Variants in ANGPT2 observed in about 807,000 individuals in gnomAD.
ANGPT2 encodes the protein angiopoietin-2.
Under a neutral mutation model 62.9 loss-of-function variants are expected in ANGPT2, and 28 were observed. The observed-to-expected ratio is 0.44, with a 90% CI of 0.33 to 0.61. ANGPT2 has a LOEUF of 0.61. Ranked by LOEUF, ANGPT2 falls within the 20% of genes least tolerant of loss-of-function variation. The pLI, the probability that ANGPT2 is intolerant of heterozygous loss-of-function variation, is 0.03. For synonymous variants in ANGPT2, 284 were observed against 207.8 expected, an observed-to-expected ratio of 1.37 and a Z score of -3.15; for missense variants, 727 against 594.9, an observed-to-expected ratio of 1.22 and a Z score of -2.31.
intron 1 of ANGPT2, among the ~76,000 whole-genome samples, chr8:6,552,415 G>A (rs530695475): frequency 4.6e-5 from 7 of 152,284 alleles, no homozygotes; most frequent in East Asian, 1.9e-4. Context: ...ACACACTTAC[G>A]ATGGTCCTTT....
At chr8:6,543,972 AAT>A (rs1456607943) in intron 1 of ANGPT2, among the ~76,000 whole-genome samples, 1 of 152,232 alleles carries the variant, frequency 6.6e-6, no homozygotes, top group Non-Finnish European at 1.5e-5. Context: ...TTAAAGTTGC[AAT>A]ATATTTTAAG....
chr8:6,530,708 T>C (rs1001575551), intron 2 of ANGPT2, among the ~76,000 whole-genome samples: 3 of 152,176 alleles, frequency 2.0e-5, no homozygotes, highest in African/African-American at 7.2e-5. Context: ...TGTTGTGATA[T>C]TGTGGAAAGA....
chr8:6,525,270 A>G (rs1490128895), intron 3 of ANGPT2, among the ~76,000 whole-genome samples: 1 of 152,124 alleles, frequency 6.6e-6, no homozygotes, highest in Non-Finnish European at 1.5e-5. Flanking sequence ...TTAGTATGTA[A>G]TTTTGGAGAG....
Position 6,503,095 on chromosome 8 carries a change from G to A in ANGPT2, c.*6C>T, listed in dbSNP as rs760950491. ...TCGAGACAGTTCCTCAGGTGGACTG[G>A]GATGTTTAGAAATCTGCTGGTCGGA... On this transcript the variant is annotated 3_prime_UTR_variant, in exon 9 of 9. Coordinates refer to ENST00000629816, the MANE Select transcript of ANGPT2 (RefSeq NM_001118887.2). 3 of 1,614,038 alleles carry A rather than the reference G, an allele frequency of 1.9e-6. No homozygotes were observed. Among genetic ancestry groups the A allele is most frequent in the African/African-American group, 1.3e-5 (1 of 74,934 alleles).
Position 6,509,059 on chromosome 8 carries a change from A to G in ANGPT2, c.1200T>C (p.Ile400=), listed in dbSNP as rs1283127220. Residue 400 remains isoleucine, a synonymous_variant, in exon 8 of 9, where the codon ATT becomes ATC. Coordinates refer to ENST00000629816, the MANE Select transcript of ANGPT2 (RefSeq NM_001118887.2). The part of the protein sequence containing the change: ...YLSSEELNYR[I]HLKGLTGTAG... ...CTGTCCCTGTAAGTCCTTTAAGGTGAATCCTGTAAGCGTGCAAAGAAAAAA... is the reference window on the plus strand; with the variant it reads ...CTGTCCCTGTAAGTCCTTTAAGGTGGATCCTGTAAGCGTGCAAAGAAAAAA... The G allele has an allele frequency of 1.2e-6, 2 of 1,613,844 alleles. No individual in the cohort carries two copies. Among genetic ancestry groups the G allele is most frequent in the Admixed American group, 3.3e-5 (2 of 59,984 alleles).
Position 6,499,924 on chromosome 8 carries a change from G to T in ANGPT2, c.*3177C>A, listed in dbSNP as rs780230267. 13 of 1,613,370 alleles carry T rather than the reference G, an allele frequency of 8.1e-6. No homozygotes were observed. The South Asian group carries it at 1.3e-4, about 16-fold the overall frequency. ...CGAACTGTCTCACCACTTCCCTGCAGCTCCCGTAAGTCAGATGTTGTTTTA... is the reference window on the plus strand; with the variant it reads ...CGAACTGTCTCACCACTTCCCTGCATCTCCCGTAAGTCAGATGTTGTTTTA... On this transcript the variant is annotated 3_prime_UTR_variant, in exon 9 of 9. Coordinates refer to ENST00000629816, the MANE Select transcript of ANGPT2 (RefSeq NM_001118887.2).
In ANGPT2 at chr8:6,502,923, G is replaced by T. The variant is rs949294761; in HGVS notation, c.*178C>A. 29 of 665,608 alleles carry T rather than the reference G, an allele frequency of 4.4e-5. No homozygotes were observed. The Middle Eastern group carries it at 1.2e-3, about 29-fold the overall frequency. The allele number at this position is 665,608 out of a possible 1,614,324, so 41.2% of individuals were successfully genotyped here. A position where few individuals can be genotyped will look rare whatever the true frequency, so the allele number is the denominator to read the frequency against. The stretch of plus-strand genomic sequence containing the variant: ...AGGGTCTTGCTTTGGTCCGTTAAGT[G>T]ATGCAAGTTTAAGTGATAAAGTTTA... On this transcript the variant is annotated 3_prime_UTR_variant, in exon 9 of 9. Transcript: ENST00000629816.
rs1812301449 is a variant in ANGPT2 at position 6,502,055 on chromosome 8, T to A, written c.*1046A>T. 6.6e-6 allele frequency: 1 copy of A among 152,060 alleles called. No homozygotes were observed. The highest frequency in any genetic ancestry group is 1.5e-5 in the Non-Finnish European group (1 of 68,012). 9.4% of individuals were successfully genotyped at this position (152,060 alleles called of 1,614,324 possible). On this transcript the variant is annotated 3_prime_UTR_variant, in exon 9 of 9. Transcript: ENST00000629816. Reference sequence around the variant, plus strand: ...TTTGTAAATTTCTTAAATAGAAGGCTTTTCTCAACCAGAAATTAAATTGTA... The same window carrying A: ...TTTGTAAATTTCTTAAATAGAAGGCATTTCTCAACCAGAAATTAAATTGTA...
intron 2 of ANGPT2, among the ~76,000 whole-genome samples, chr8:6,528,681 G>T (rs922175953): frequency 1.3e-5 from 2 of 152,324 alleles, no homozygotes; most frequent in African/African-American, 4.8e-5. Context: ...AGGAAGAATC[G>T]ACTACTCACT....
chr8:6,518,150 A>T (rs1241948612), intron 5 of ANGPT2, among the ~76,000 whole-genome samples: 1 of 152,114 alleles, frequency 6.6e-6, no homozygotes, highest in Non-Finnish European at 1.5e-5. Context: ...AGATGAAACA[A>T]TGTGATGGGG....
intron 8 of ANGPT2, among the ~76,000 whole-genome samples, chr8:6,506,996 C>G (rs1813864927): frequency 6.6e-6 from 1 of 151,776 alleles, no homozygotes. Flanking sequence ...CTCCCCGGTT[C>G]AAGAGATTTT....
intron 1 of ANGPT2, among the ~76,000 whole-genome samples, chr8:6,538,099 C>A (rs564234397): frequency 6.6e-6 from 1 of 152,284 alleles, no homozygotes; most frequent in South Asian, 2.1e-4. Flanking sequence ...CTCTCACACA[C>A]ACATACACGT....
chr8:6,515,807 C>T (rs1816151234), intron 5 of ANGPT2, among the ~76,000 whole-genome samples: 1 of 152,096 alleles, frequency 6.6e-6, no homozygotes, highest in South Asian at 2.1e-4. Flanking sequence ...ATAATGGAGG[C>T]GATTTGGCAG....
At chr8:6,534,138 G>C (rs2922882) in intron 1 of ANGPT2, among the ~76,000 whole-genome samples, 12,977 of 152,108 alleles carry the variant, frequency 0.085, 597 homozygotes, top group African/African-American at 0.13. Flanking sequence ...GGATGCATGA[G>C]AGGCACAGTC....
At chr8:6,519,500 C>T (rs1489042610) in intron 5 of ANGPT2, among the ~76,000 whole-genome samples, 1 of 152,166 alleles carries the variant, frequency 6.6e-6, no homozygotes, top group Non-Finnish European at 1.5e-5. Context: ...GGCTGATGCA[C>T]TATGGTTGTT....
At chr8:6,547,248 C>G (rs980141321) in intron 1 of ANGPT2, among the ~76,000 whole-genome samples, 28 of 152,154 alleles carry the variant, frequency 1.8e-4, no homozygotes, top group African/African-American at 6.5e-4. Flanking sequence ...CACAGCAATT[C>G]GGGAAGTAAA....
chr8:6,505,170 C>A (rs1386747139), intron 8 of ANGPT2, among the ~76,000 whole-genome samples: 1 of 31,484 alleles, frequency 3.2e-5, no homozygotes, highest in Non-Finnish European at 7.9e-5. Context: ...AACTCTATGC[C>A]AAAGAATATA....
intron 1 of ANGPT2, among the ~76,000 whole-genome samples, chr8:6,536,886 T>C (rs1392769586): frequency 6.6e-6 from 1 of 151,828 alleles, no homozygotes; most frequent in Non-Finnish European, 1.5e-5. Flanking sequence ...CTCTTATTTT[T>C]ACTGGCTGTG....
chr8:6,530,962 A>G (rs1472572645), intron 2 of ANGPT2, among the ~76,000 whole-genome samples: 1 of 152,040 alleles, frequency 6.6e-6, no homozygotes, highest in Non-Finnish European at 1.5e-5. Flanking sequence ...GCATTTAGGA[A>G]TAATATGGAG....
Sources: gnomAD v4.1 joint callset for allele counts (sites outside exome capture counted in the v4.1 genomes callset) on GRCh38, gnomAD v4.1.1 for gene constraint, MANE v1.5 for transcripts, NCBI Gene and HGNC (gene_info 2026-07-23, HGNC 2026-07-21) for gene names.